PCDH11Y: variants seen among roughly 807,000 people sequenced by gnomAD.
PCDH11Y encodes protocadherin-11 Y-linked.
For missense variants in PCDH11Y, 12 were observed against 224.8 expected, an observed-to-expected ratio of 0.05 and a Z score of 6.05; for synonymous variants, 9 against 83.6, an observed-to-expected ratio of 0.11 and a Z score of 4.87.
At chrY:5,737,089 A>G (rs2053609950) in intron 4 of PCDH11Y, among the ~76,000 whole-genome samples, 183 bp from the exon 6 acceptor site, 1 of 32,765 alleles carries the variant, frequency 3.1e-5, no homozygotes, top group Non-Finnish European at 7.5e-5. Context: ...ACTCCAAGTC[A>G]TTTATACTTC....
intron 3 of PCDH11Y, among the ~76,000 whole-genome samples, chrY:5,542,007 A>T: frequency 3.2e-5 from 1 of 30,999 alleles, no homozygotes; most frequent in African/African-American, 1.3e-4. Context: ...AAACCCACAT[A>T]CTCTGACTTT....
At chrY:5,137,787 GA>G (rs2052842521) in intron 2 of PCDH11Y, among the ~76,000 whole-genome samples, 1 of 33,075 alleles carries the variant, frequency 3.0e-5, no homozygotes, top group Admixed American at 2.8e-4. Flanking sequence ...CTAGACCTAA[GA>G]AATGAGATAA....
chrY:5,392,369 C>CAA (rs56793888), intron 2 of PCDH11Y, among the ~76,000 whole-genome samples: 3 of 5,352 alleles, frequency 5.6e-4, no homozygotes, highest in African/African-American at 1.6e-3. Flanking sequence ...GACTCCGTCT[C>CAA]AAAAAAAAAA....
chrY:5,099,063 T>A, exon 2 of PCDH11Y: 2 of 394,336 alleles, frequency 5.1e-6, no homozygotes, highest in African/African-American at 1.3e-4. Context: ...ATGACAATGC[T>A]CCAGTTTTCA....
rs2052866672 is a variant in PCDH11Y at position 5,154,046 on chromosome Y, C to CAT, written c.3129+53347_3129+53348dup. Among the ~76,000 whole-genome samples the CAT allele has an allele frequency of 3.1e-4, 8 of 26,059 alleles. No homozygotes were observed. In the South Asian group the frequency reaches 7.1e-3, roughly 23 times the overall value. 69.9% of individuals were successfully genotyped at this position (26,059 alleles called of 37,273 possible). On this transcript the variant is annotated intron_variant, in intron 2 of 4. Transcript: ENST00000400457. Reference sequence around the variant, plus strand: ...ATACACATACATATACATATATACACATATATATACTTACTATATATTATT... The same window carrying CAT: ...ATACACATACATATACATATATACACATATATATATACTTACTATATATTATT...
chrY:5,541,726 TC>T (rs2053406996), intron 3 of PCDH11Y, among the ~76,000 whole-genome samples: 2 of 23,888 alleles, frequency 8.4e-5, no homozygotes, highest in African/African-American at 1.7e-4. Flanking sequence ...TTTCTTTCTT[TC>T]TTTCTTTCTT....
intron 2 of PCDH11Y, among the ~76,000 whole-genome samples, chrY:5,161,071 A>C: frequency 3.1e-5 from 1 of 32,598 alleles, no homozygotes; most frequent in Non-Finnish European, 7.6e-5. Flanking sequence ...AACTAATATA[A>C]GAAAATATAT....
chrY:5,424,467 C>T, intron 2 of PCDH11Y, among the ~76,000 whole-genome samples: 2 of 33,390 alleles, frequency 6.0e-5, no homozygotes, highest in African/African-American at 2.3e-4. Flanking sequence ...TTTTCCCCAC[C>T]GTGTCCGGTA....
At chrY:5,275,275 C>A in intron 2 of PCDH11Y, among the ~76,000 whole-genome samples, 1 of 32,748 alleles carries the variant, frequency 3.1e-5, no homozygotes, top group Non-Finnish European at 7.5e-5. Flanking sequence ...GGCATACACA[C>A]CTTTATATTC....
chrY:5,187,265 G>A (rs2052907178), intron 2 of PCDH11Y, among the ~76,000 whole-genome samples: 1 of 32,899 alleles, frequency 3.0e-5, no homozygotes, highest in South Asian at 7.0e-4. Flanking sequence ...GGAAGACTGT[G>A]GCCCTGTTCT....
At chrY:5,338,277 C>T in intron 2 of PCDH11Y, 1 of 326,395 alleles carries the variant, frequency 3.1e-6, no homozygotes, top group Non-Finnish European at 4.5e-6. Context: ...CGAATGGGGT[C>T]CCTCATGAAC....
chrY:5,639,518 T>C, intron 4 of PCDH11Y, among the ~76,000 whole-genome samples: 7 of 29,581 alleles, frequency 2.4e-4, no homozygotes, highest in Admixed American at 6.4e-4. Context: ...TTAAAATGTA[T>C]ATACCTTAGT....
At chrY:5,363,607 G>C in intron 2 of PCDH11Y, among the ~76,000 whole-genome samples, 1 of 29,965 alleles carries the variant, frequency 3.3e-5, no homozygotes, top group African/African-American at 1.3e-4. Context: ...AAATGTTTTG[G>C]CTAATTGTTA....
intron 2 of PCDH11Y, among the ~76,000 whole-genome samples, chrY:5,121,472 G>A: frequency 6.3e-5 from 2 of 31,911 alleles, no homozygotes; most frequent in African/African-American, 2.5e-4. Flanking sequence ...TAGCCGTGCT[G>A]GCAGCTGATT....
At chrY:5,483,802 TC>T (rs2053329230) in intron 2 of PCDH11Y, among the ~76,000 whole-genome samples, 1 of 32,630 alleles carries the variant, frequency 3.1e-5, no homozygotes. Context: ...TCCTGTTACT[TC>T]TCTTTGATAG....
At chrY:5,233,232 G>C in intron 2 of PCDH11Y, among the ~76,000 whole-genome samples, 7 of 31,909 alleles carry the variant, frequency 2.2e-4, no homozygotes, top group Non-Finnish European at 3.8e-4. Flanking sequence ...ACTATAGGTA[G>C]AGCTTTCTAT....
At chrY:5,635,671 T>C (rs2053517205) in intron 4 of PCDH11Y, among the ~76,000 whole-genome samples, 2 of 33,913 alleles carry the variant, frequency 5.9e-5, no homozygotes, top group Admixed American at 5.4e-4. Context: ...TGAAAAATGC[T>C]TTCTAGTTCA....
intron 3 of PCDH11Y, among the ~76,000 whole-genome samples, chrY:5,528,236 G>A (rs2053389798): frequency 7.3e-4 from 24 of 32,792 alleles, no homozygotes; most frequent in Non-Finnish European, 3.8e-4. Context: ...TGATAGAAAC[G>A]TCATACTTTT....
intron 3 of PCDH11Y, among the ~76,000 whole-genome samples, chrY:5,528,761 T>C: frequency 6.0e-5 from 2 of 33,606 alleles, no homozygotes; most frequent in Non-Finnish European, 1.5e-4. Context: ...AATAAGAGGA[T>C]ACAGTGTAGG....
Sources: allele counts gnomAD v4.1 joint callset (sites outside exome capture counted in the v4.1 genomes callset), GRCh38; gene constraint gnomAD v4.1.1; transcripts MANE v1.5; gene names NCBI Gene and HGNC (gene_info 2026-07-23, HGNC 2026-07-21).